Variants in PDCD1LG2 observed in about 807,000 individuals in gnomAD.
The protein encoded by PDCD1LG2 is B7 dendritic cell molecule.
Under a neutral mutation model 28.2 loss-of-function variants are expected in PDCD1LG2, and 32 were observed. The ratio of observed to expected loss-of-function variants is 1.13; its 90% CI spans 0.86 to 1.52. The LOEUF (loss-of-function observed/expected upper bound fraction) is 1.52. Among genes scored for constraint, PDCD1LG2 ranks in the 40% most tolerant of loss-of-function variants. The pLI, the probability that PDCD1LG2 is intolerant of heterozygous loss-of-function variation, is 0.00. For missense variants in PDCD1LG2, 385 were observed against 323.8 expected (o/e 1.19, Z -1.45); for synonymous variants, 116 against 120.2 (o/e 0.97, Z 0.23).
intron 3 of PDCD1LG2, among the ~76,000 whole-genome samples, chr9:5,537,071 T>A (rs74612088): frequency 0.077 from 11,756 of 152,262 alleles, 1,476 homozygotes; most frequent in African/African-American, 0.26. Flanking sequence ...ATGTGGTATC[T>A]AATTTTCTGC....
rs190350574 is a variant in PDCD1LG2, at chr9:5,537,131, A to G, written c.361+2081A>G. Among the ~76,000 whole-genome samples the G allele has an allele frequency of 1.9e-4, 29 of 152,374 alleles. 1 individual carries two copies. The highest frequency in any genetic ancestry group is 1.6e-3 in the Admixed American group (25 of 15,310). On this transcript the variant is annotated intron_variant, in intron 3 of 6. Transcript: ENST00000397747. The stretch of plus-strand genomic sequence containing the variant: ...TTATAAAGTTAATAACTGATAATCA[A>G]AAATGAGTAATTTTTGCCATGTAAA...
chr9:5,566,711 A>C (rs944871909), intron 6 of PDCD1LG2, among the ~76,000 whole-genome samples: 1 of 152,172 alleles, frequency 6.6e-6, no homozygotes, highest in Admixed American at 6.5e-5. Context: ...AGCATTACCT[A>C]GTTTACTCTA....
intron 6 of PDCD1LG2, among the ~76,000 whole-genome samples, chr9:5,567,936 T>G (rs1816696882): frequency 6.6e-6 from 1 of 152,192 alleles, no homozygotes; most frequent in African/African-American, 2.4e-5. Flanking sequence ...CGTTTTTTGT[T>G]TTGTTTTGTT....
intron 3 of PDCD1LG2, among the ~76,000 whole-genome samples, chr9:5,539,057 T>C (rs569703721): frequency 1.3e-5 from 2 of 152,358 alleles, no homozygotes; most frequent in East Asian, 3.9e-4. Flanking sequence ...AGGATAATGT[T>C]GTATATAAAA....
intron 3 of PDCD1LG2, among the ~76,000 whole-genome samples, chr9:5,547,390 A>C (rs760651458): frequency 4.6e-5 from 7 of 152,182 alleles, no homozygotes; most frequent in Non-Finnish European, 1.0e-4. Flanking sequence ...AAATATCAAC[A>C]GGTGACTTTC....
chr9:5,545,677 A>G (rs770798425), intron 3 of PDCD1LG2, among the ~76,000 whole-genome samples: 6 of 152,228 alleles, frequency 3.9e-5, no homozygotes, highest in Non-Finnish European at 8.8e-5. Context: ...ATCCACAATT[A>G]CATTTGAGAT....
chr9:5,539,462 G>C (rs573872131), intron 3 of PDCD1LG2, among the ~76,000 whole-genome samples: 1 of 152,122 alleles, frequency 6.6e-6, no homozygotes, highest in South Asian at 2.1e-4. Flanking sequence ...TTGATGTCTG[G>C]GCAGAAATTC....
intron 6 of PDCD1LG2, among the ~76,000 whole-genome samples, chr9:5,565,712 G>C (rs1299144237): frequency 1.3e-5 from 2 of 152,032 alleles, no homozygotes; most frequent in Non-Finnish European, 2.9e-5. Flanking sequence ...TTGTCTTTCT[G>C]TCCGTTTATC....
chr9:5,537,873 G>GT (rs1384838739), intron 3 of PDCD1LG2, among the ~76,000 whole-genome samples: 1 of 151,628 alleles, frequency 6.6e-6, no homozygotes, highest in Non-Finnish European at 1.5e-5. Context: ...AAAACTTACT[G>GT]TTAAAAAAAA....
intron 2 of PDCD1LG2, among the ~76,000 whole-genome samples, chr9:5,530,781 C>T (rs953093569): frequency 6.6e-6 from 1 of 152,336 alleles, no homozygotes. Flanking sequence ...TCAACTATTA[C>T]GCTACTTCCC....
intron 2 of PDCD1LG2, among the ~76,000 whole-genome samples, chr9:5,526,666 C>T (rs1820386078): frequency 6.6e-6 from 1 of 152,094 alleles, no homozygotes. Context: ...TCAAACGCCT[C>T]GTCTCAAGCA....
At chr9:5,514,772 G>GAAAA (rs60002651) in intron 1 of PDCD1LG2, among the ~76,000 whole-genome samples, 15 of 62,336 alleles carry the variant, frequency 2.4e-4, no homozygotes, top group African/African-American at 3.7e-4. Context: ...AGTCTCTAAA[G>GAAAA]AAAAAAAAAA....
At chr9:5,559,110 G>A (rs185659197) in intron 5 of PDCD1LG2, among the ~76,000 whole-genome samples, 1 of 152,128 alleles carries the variant, frequency 6.6e-6, no homozygotes, top group South Asian at 2.1e-4. Flanking sequence ...AGCTGTCTTT[G>A]GGAGAATGGA....
At chr9:5,517,650 C>T (rs1017440606) in intron 1 of PDCD1LG2, among the ~76,000 whole-genome samples, 2 of 152,174 alleles carry the variant, frequency 1.3e-5, no homozygotes, top group African/African-American at 4.8e-5. Flanking sequence ...GAAGGCAAAA[C>T]TGGAATCATA....
Position 5,512,562 on chromosome 9 carries a change from C to T in PDCD1LG2, c.-15+1759C>T, listed in dbSNP as rs115378412. ...TGTTCCTGCTCTCCAAATTTTGGGA[C>T]GTTCCTGAGTTCAGATCTTTTCTTT... On this transcript the variant is annotated intron_variant, in intron 1 of 6. Coordinates refer to ENST00000397747, the MANE Select transcript of PDCD1LG2 (RefSeq NM_025239.4). 2.4e-3 allele frequency among the ~76,000 whole-genome samples: 365 copies of T among 152,314 alleles called. 2 individuals are homozygous for T. Among genetic ancestry groups the T allele is most frequent in the African/African-American group, 8.5e-3 (353 of 41,570 alleles).
At chr9:5,514,772 GAAAAAAA>G (rs60002651) in intron 1 of PDCD1LG2, among the ~76,000 whole-genome samples, 168 of 62,390 alleles carry the variant, frequency 2.7e-3, no homozygotes, top group Non-Finnish European at 4.3e-3. Flanking sequence ...AGTCTCTAAA[GAAAAAAA>G]AAAAAAAAAA....
At chr9:5,545,886 T>C (rs1487179925) in intron 3 of PDCD1LG2, among the ~76,000 whole-genome samples, 1 of 152,110 alleles carries the variant, frequency 6.6e-6, no homozygotes, top group African/African-American at 2.4e-5. Context: ...GTAGAAGGTG[T>C]TTTTCATTGA....
At chr9:5,555,016 A>T (rs968600752) in intron 4 of PDCD1LG2, among the ~76,000 whole-genome samples, 2 of 151,096 alleles carry the variant, frequency 1.3e-5, no homozygotes, top group Admixed American at 6.6e-5. Flanking sequence ...GTAAAAAAAA[A>T]TGGTATATCT....
chr9:5,566,128 C>T (rs1031898286), intron 6 of PDCD1LG2, among the ~76,000 whole-genome samples: 79 of 152,228 alleles, frequency 5.2e-4, no homozygotes, highest in Middle Eastern at 3.4e-3. Context: ...GGAGCCATCC[C>T]GCACTCTCAT....
Sources: allele counts gnomAD v4.1 joint callset (sites outside exome capture counted in the v4.1 genomes callset), GRCh38; gene constraint gnomAD v4.1.1; transcripts MANE v1.5; gene names NCBI Gene and HGNC (gene_info 2026-07-23, HGNC 2026-07-21).